Variants in SDK1 observed in about 807,000 individuals in gnomAD.
The protein encoded by SDK1 is protein sidekick-1.
In SDK1, 157 loss-of-function variants were observed where a neutral mutation model predicts 245.5. The observed-to-expected ratio is 0.64, with a 90% CI of 0.56 to 0.73. The LOEUF (loss-of-function observed/expected upper bound fraction) is 0.73, where lower values mean the gene tolerates loss of function less well. SDK1 is among the 30% of genes least tolerant of loss of function. The pLI, the probability that SDK1 is intolerant of heterozygous loss-of-function variation, is 0.00. For synonymous variants in SDK1, 1,647 were observed against 1,278.5 expected (o/e 1.29, Z -6.15); for missense variants, 3,583 against 3,002.3 (o/e 1.19, Z -4.52).
At chr7:4,135,384 C>G (rs1463518870) in intron 28 of SDK1, among the ~76,000 whole-genome samples, 1 of 152,210 alleles carries the variant, frequency 6.6e-6, no homozygotes, top group African/African-American at 2.4e-5. Flanking sequence ...AGACGCTCTG[C>G]ACTTCCAGGC....
chr7:3,793,000 C>A (rs913164559), intron 4 of SDK1, among the ~76,000 whole-genome samples: 1 of 152,142 alleles, frequency 6.6e-6, no homozygotes, highest in African/African-American at 2.4e-5. Flanking sequence ...GGAAAAGATT[C>A]ATTTCACAAT....
chr7:3,401,291 G>A (rs368125594), intron 1 of SDK1, among the ~76,000 whole-genome samples: 3 of 152,260 alleles, frequency 2.0e-5, no homozygotes, highest in African/African-American at 7.2e-5. Flanking sequence ...ATAATATCAT[G>A]GAGGCAGGAT....
At chr7:3,660,478 GAGAGAGAA>G (rs756578513) in intron 4 of SDK1, among the ~76,000 whole-genome samples, 14 of 152,178 alleles carry the variant, frequency 9.2e-5, no homozygotes, top group Non-Finnish European at 1.5e-5. Context: ...GAAGTGGAGA[GAGAGAGAA>G]AGAGAGAGAG....
chr7:3,712,264 C>T (rs776795101), intron 4 of SDK1, among the ~76,000 whole-genome samples: 16 of 152,178 alleles, frequency 1.1e-4, no homozygotes, highest in Non-Finnish European at 1.9e-4. Flanking sequence ...CTCATAGGAC[C>T]GTGAACCTTA....
intron 1 of SDK1, among the ~76,000 whole-genome samples, chr7:3,593,627 G>C (rs996616455): frequency 6.6e-6 from 1 of 152,180 alleles, no homozygotes; most frequent in African/African-American, 2.4e-5. Flanking sequence ...GGAACCTCTT[G>C]AGTCTTTAAG....
chr7:3,717,720 A>G lies in SDK1; in HGVS notation c.713+75615A>G, dbSNP rs115486772. ...CTACAAAGTGCCAAAAACTCAACCT[A>G]TAGATATATAACCTGAATAGTCTTA... On this transcript the variant is annotated intron_variant, in intron 4 of 44. Transcript: ENST00000404826. Among the ~76,000 whole-genome samples the G allele has an allele frequency of 5.5e-3, 831 of 152,308 alleles. 7 individuals carry two copies. The highest frequency in any genetic ancestry group is 0.019 in the African/African-American group (782 of 41,562).
chr7:3,573,922 C>T (rs975971291), intron 1 of SDK1, among the ~76,000 whole-genome samples: 3 of 151,990 alleles, frequency 2.0e-5, no homozygotes, highest in African/African-American at 7.2e-5. Context: ...CTTTTTATGA[C>T]AGGTTCATCA....
At chr7:3,563,255 G>T (rs1357023329) in intron 1 of SDK1, among the ~76,000 whole-genome samples, 3 of 152,128 alleles carry the variant, frequency 2.0e-5, no homozygotes, top group African/African-American at 7.2e-5. Flanking sequence ...ATGAAAAAAA[G>T]CTGGAAAAGT....
At chr7:3,587,391 C>A (rs752394848) in intron 1 of SDK1, among the ~76,000 whole-genome samples, 1 of 152,022 alleles carries the variant, frequency 6.6e-6, no homozygotes, top group Non-Finnish European at 1.5e-5. Flanking sequence ...GGCCCATGAT[C>A]TATCAGCTGC....
intron 4 of SDK1, among the ~76,000 whole-genome samples, chr7:3,788,140 C>G (rs977272616): frequency 9.9e-5 from 15 of 152,156 alleles, no homozygotes; most frequent in African/African-American, 3.6e-4. Context: ...CAGGAAGCCA[C>G]TCTGCACTCA....
chr7:3,901,007 T>C (rs1192689740), intron 5 of SDK1, among the ~76,000 whole-genome samples: 8 of 152,138 alleles, frequency 5.3e-5, no homozygotes, highest in African/African-American at 1.9e-4. Context: ...TAAGGATTAT[T>C]TACTGTCTTT....
intron 1 of SDK1, among the ~76,000 whole-genome samples, chr7:3,349,196 AAC>A (rs1491390866): frequency 2.7e-5 from 4 of 150,520 alleles, no homozygotes; most frequent in Admixed American, 2.0e-4. Flanking sequence ...TTTAAAAAAA[AAC>A]AACAAAAAAA....
At chr7:3,938,590 G>C (rs1183496941) in intron 5 of SDK1, among the ~76,000 whole-genome samples, 1 of 148,842 alleles carries the variant, frequency 6.7e-6, no homozygotes, top group African/African-American at 2.6e-5. Flanking sequence ...AGCTTGCAGT[G>C]AGCCAAGATC....
chr7:4,265,083 G>T (rs1788373988), intron 44 of SDK1, 41 bp from the exon 45 acceptor site: 2 of 1,591,792 alleles, frequency 1.3e-6, no homozygotes. Context: ...CGGGCCCTGC[G>T]CCCTGCCCTG....
At chr7:3,397,773 G>C (rs1778760280) in intron 1 of SDK1, among the ~76,000 whole-genome samples, 1 of 151,872 alleles carries the variant, frequency 6.6e-6, no homozygotes, top group African/African-American at 2.4e-5. Context: ...TTAAAAATTT[G>C]TTCTTAGGGT....
chr7:3,959,271 A>G (rs1212612421), intron 8 of SDK1, among the ~76,000 whole-genome samples: 6 of 152,154 alleles, frequency 3.9e-5, no homozygotes, highest in Non-Finnish European at 8.8e-5. Flanking sequence ...CATCTACCCC[A>G]GACAGAGAGG....
chr7:3,848,037 A>C (rs1433295300), intron 5 of SDK1, among the ~76,000 whole-genome samples: 1 of 152,262 alleles, frequency 6.6e-6, no homozygotes, highest in African/African-American at 2.4e-5. Flanking sequence ...ATATGTGCAC[A>C]AGCACATACA....
intron 16 of SDK1, among the ~76,000 whole-genome samples, chr7:4,013,284 C>T (rs1786131996): frequency 6.6e-6 from 1 of 152,176 alleles, no homozygotes; most frequent in Non-Finnish European, 1.5e-5. Context: ...GCACTGAACG[C>T]GATCATTGCA....
At chr7:3,385,369 ATAGG>A (rs1311984516) in intron 1 of SDK1, among the ~76,000 whole-genome samples, 1 of 152,172 alleles carries the variant, frequency 6.6e-6, no homozygotes, top group African/African-American at 2.4e-5. Context: ...TTTCATATAT[ATAGG>A]GGAAGAAAAT....
Sources: gnomAD v4.1 joint callset for allele counts (sites outside exome capture counted in the v4.1 genomes callset) on GRCh38, gnomAD v4.1.1 for gene constraint, MANE v1.5 for transcripts, NCBI Gene and HGNC (gene_info 2026-07-23, HGNC 2026-07-21) for gene names.